Variants in MAP3K5 observed in about 807,000 individuals in gnomAD.
MAP3K5 encodes mitogen-activated protein kinase kinase kinase 5.
MAP3K5 carries 56 observed loss-of-function variants against 158.7 expected under a neutral mutation model. That is an observed-to-expected ratio of 0.35 (90% CI 0.28 to 0.44). The LOEUF (loss-of-function observed/expected upper bound fraction) is 0.44, where lower values mean the gene tolerates loss of function less well. Ranked by LOEUF, MAP3K5 falls within the 20% of genes least tolerant of loss-of-function variation. MAP3K5 has a pLI of 1.00. For synonymous variants in MAP3K5, 579 were observed against 601.7 expected, an observed-to-expected ratio of 0.96 and a Z score of 0.55; for missense variants, 1,294 against 1,674.8, an observed-to-expected ratio of 0.77 and a Z score of 3.97.
At chr6:136,607,380 G>C (rs916115095) in intron 18 of MAP3K5, among the ~76,000 whole-genome samples, 6 of 152,084 alleles carry the variant, frequency 3.9e-5, no homozygotes, top group African/African-American at 1.4e-4. Flanking sequence ...ATAACCATCT[G>C]CCAATTGTGT....
At chr6:136,788,497 A>G (rs981600480) in intron 1 of MAP3K5, among the ~76,000 whole-genome samples, 1 of 152,226 alleles carries the variant, frequency 6.6e-6, no homozygotes, top group Non-Finnish European at 1.5e-5. Context: ...CAACCCTCAG[A>G]ATGGGAGAAA....
At chr6:136,629,548 A>G (rs943251845) in intron 14 of MAP3K5, among the ~76,000 whole-genome samples, 30 of 151,702 alleles carry the variant, frequency 2.0e-4, no homozygotes, top group African/African-American at 1.2e-4. Flanking sequence ...TCCGCCTCCC[A>G]GGTTCACGCC....
At chr6:136,730,296 C>A (rs1275334732) in intron 1 of MAP3K5, among the ~76,000 whole-genome samples, 1 of 151,682 alleles carries the variant, frequency 6.6e-6, no homozygotes, top group Non-Finnish European at 1.5e-5. Flanking sequence ...CCACAACTGG[C>A]CAAACTTTTT....
rs571168226 is a variant in MAP3K5 at position 136,744,686 on chromosome 6, C to T, written c.449-24097G>A. On this transcript the variant is annotated intron_variant, in intron 1 of 29. Coordinates refer to ENST00000359015, the MANE Select transcript of MAP3K5 (RefSeq NM_005923.4). ...CAGGGAGTTCTGGTTAGAGAAGTTACGGCTCAATGAAGTGCAGCTGCAAAG... is the reference window on the plus strand; with the variant it reads ...CAGGGAGTTCTGGTTAGAGAAGTTATGGCTCAATGAAGTGCAGCTGCAAAG... Among the ~76,000 whole-genome samples the T allele has an allele frequency of 1.1e-4, 17 of 152,284 alleles. 1 individual carries two copies. The highest frequency in any genetic ancestry group is 3.4e-4 in the African/African-American group (14 of 41,558).
At position 136,675,022 on chromosome 6, in the gene MAP3K5, A is replaced by G. The variant is rs184209568; in HGVS notation, c.1254-5627T>C. ...TGATGCATAAAGATGTACCATCCAA[A>G]TATTAAATAAATGTTATCATTATAT... On this transcript the variant is annotated intron_variant, in intron 7 of 29. Transcript: ENST00000359015. Among the ~76,000 whole-genome samples, 221 of 152,144 alleles carry G rather than the reference A, an allele frequency of 1.5e-3. 1 individual carries two copies. Among genetic ancestry groups the G allele is most frequent in the African/African-American group, 3.8e-3 (158 of 41,588 alleles).
chr6:136,682,494 C>A lies in MAP3K5; in HGVS notation c.1253+11646G>T, dbSNP rs370998835. ...GCCAACCCCATTAATAATGTAAAAA[C>A]TAAATCTTTATTAGGCACACATTAC... On this transcript the variant is annotated intron_variant, in intron 7 of 29. Coordinates refer to ENST00000359015, the MANE Select transcript of MAP3K5 (RefSeq NM_005923.4). Among the ~76,000 whole-genome samples the A allele has an allele frequency of 1.4e-4, 22 of 152,140 alleles. No individual in the cohort carries two copies. In the East Asian group the frequency reaches 2.5e-3, roughly 17 times the overall value.
chr6:136,578,259 C>T (rs1271618556), intron 25 of MAP3K5, among the ~76,000 whole-genome samples: 2 of 152,192 alleles, frequency 1.3e-5, no homozygotes, highest in Admixed American at 6.5e-5. Context: ...TAATCATGTG[C>T]TTCAAAGGCT....
chr6:136,705,476 T>C (rs935493846), intron 2 of MAP3K5, among the ~76,000 whole-genome samples: 1 of 152,104 alleles, frequency 6.6e-6, no homozygotes, highest in Non-Finnish European at 1.5e-5. Flanking sequence ...CTAATTTTAG[T>C]AATTGTTTTT....
In MAP3K5 at chr6:136,656,445, A is replaced by G; in HGVS notation, c.1542T>C (p.Ile514=). 1 of 1,585,352 alleles carries G rather than the reference A, an allele frequency of 6.3e-7. No homozygotes were observed. The highest frequency in any genetic ancestry group is 2.2e-5 in the East Asian group (1 of 44,638). The part of the protein sequence containing the change: ...LKTPAWYLKS[I]VETILIYKHF... ...GCTTATATATTAAAATTGTCTCTAC[A>G]ATAGACTTGAGGTACCTGAGAAGGA... Residue 514 remains isoleucine (I), a synonymous_variant, in exon 10 of 30, where the codon ATT becomes ATC. Coordinates refer to ENST00000359015, the MANE Select transcript of MAP3K5 (RefSeq NM_005923.4).
At chr6:136,763,753 C>T (rs1479979515) in intron 1 of MAP3K5, among the ~76,000 whole-genome samples, 1 of 152,128 alleles carries the variant, frequency 6.6e-6, no homozygotes, top group African/African-American at 2.4e-5. Context: ...ATTTAATCTC[C>T]AATATGGGCG....
rs1220041126 is a variant in MAP3K5 at position 136,609,096 on chromosome 6, CA to C, written c.2521+2185del. Among the ~76,000 whole-genome samples the C allele has an allele frequency of 6.6e-6, 1 of 152,042 alleles. No homozygotes were observed. Among genetic ancestry groups the C allele is most frequent in the Non-Finnish European group, 1.5e-5 (1 of 67,974 alleles). On this transcript the variant is annotated intron_variant, in intron 18 of 29. Coordinates refer to ENST00000359015, the MANE Select transcript of MAP3K5 (RefSeq NM_005923.4). The surrounding 1 kb of genome is among the most constrained non-coding windows in gnomAD (Gnocchi z 4.4). ...TCCTACAATTCCTTTGGAGATTTTA[CA>C]AAAAAGATGTTCCCCAGATTAGTAG...
intron 10 of MAP3K5, among the ~76,000 whole-genome samples, chr6:136,651,968 A>T (rs1034590666): frequency 1.3e-5 from 2 of 152,126 alleles, no homozygotes; most frequent in African/African-American, 2.4e-5. Context: ...AGGAATGTTT[A>T]AAAAAAGAAA....
At chr6:136,620,564 G>A (rs192109319) in intron 15 of MAP3K5, among the ~76,000 whole-genome samples, 1 of 152,314 alleles carries the variant, frequency 6.6e-6, no homozygotes, top group Non-Finnish European at 1.5e-5. Context: ...AAGGAAGGCT[G>A]GTCATGTGGC....
At chr6:136,618,853 T>G (rs1381565493) in intron 15 of MAP3K5, among the ~76,000 whole-genome samples, 1 of 152,216 alleles carries the variant, frequency 6.6e-6, no homozygotes, top group Non-Finnish European at 1.5e-5. Context: ...AAACTACACA[T>G]GCGGCAGGCA....
chr6:136,579,207 A>G (rs1474501650), intron 25 of MAP3K5, among the ~76,000 whole-genome samples: 1 of 152,086 alleles, frequency 6.6e-6, no homozygotes, highest in Non-Finnish European at 1.5e-5. Context: ...ACCTACCTAC[A>G]TACTCATCCA....
Position 136,561,652 on chromosome 6 carries a change from C to T in MAP3K5, c.3875-7G>A. ...ACAGGCAATTCAGGAATTTCTAGAA[C>T]AGAATTTTGGGAAGATATTCTTAAT... is the stretch of plus-strand genomic sequence containing the variant. On this transcript the variant is annotated splice_region_variant and splice_polypyrimidine_tract_variant and intron_variant, in intron 27 of 29. Transcript: ENST00000359015. 9 of 1,532,564 alleles carry T rather than the reference C, an allele frequency of 5.9e-6. No individual in the cohort carries two copies. The highest frequency in any genetic ancestry group is 8.1e-6 in the Non-Finnish European group (9 of 1,105,778). The allele number at this position is 1,532,564 out of a possible 1,614,324, so 94.9% of individuals were successfully genotyped here.
intron 7 of MAP3K5, among the ~76,000 whole-genome samples, chr6:136,677,210 T>G (rs1779747086): frequency 7.0e-6 from 1 of 142,072 alleles, no homozygotes; most frequent in Non-Finnish European, 1.5e-5. Flanking sequence ...CAATCTCGGC[T>G]CACTGCAAGC....
chr6:136,776,623 C>T (rs1451769157), intron 1 of MAP3K5, among the ~76,000 whole-genome samples: 1 of 152,204 alleles, frequency 6.6e-6, no homozygotes, highest in African/African-American at 2.4e-5. Flanking sequence ...ATAAATTTAA[C>T]CGTAATACTC....
At chr6:136,674,041 A>G (rs1381449742) in intron 7 of MAP3K5, among the ~76,000 whole-genome samples, 1 of 152,114 alleles carries the variant, frequency 6.6e-6, no homozygotes, top group Admixed American at 6.5e-5. Context: ...TTACTTTCAA[A>G]GGAGCAATAA....
Sources: allele counts gnomAD v4.1 joint callset (sites outside exome capture counted in the v4.1 genomes callset), GRCh38; gene constraint gnomAD v4.1.1; non-coding constraint Gnocchi (gnomAD v3.1); transcripts MANE v1.5; gene names NCBI Gene and HGNC (gene_info 2026-07-23, HGNC 2026-07-21).